Variants in MMP10 observed in about 807,000 individuals in gnomAD.
The protein encoded by MMP10 is stromelysin-2.
MMP10 carries 50 observed loss-of-function variants against 49.1 expected under a neutral mutation model. That is an observed-to-expected ratio of 1.02 (90% CI 0.81 to 1.29). MMP10 has a LOEUF of 1.29. Among genes scored for constraint, MMP10 ranks in the 50% most tolerant of loss-of-function variants. The pLI is 0.00. For missense variants in MMP10, 613 were observed against 563.8 expected, an observed-to-expected ratio of 1.09 and a Z score of -0.88; for synonymous variants, 229 against 201.6, an observed-to-expected ratio of 1.14 and a Z score of -1.15.
In MMP10 at chr11:102,779,208, A is replaced by T; in HGVS notation, c.496+5T>A. 3 of 1,612,280 alleles carry T rather than the reference A, an allele frequency of 1.9e-6. No individual in the cohort carries two copies. Among genetic ancestry groups the T allele is most frequent in the Non-Finnish European group, 2.5e-6 (3 of 1,179,882 alleles). ...ACCAGATAAATGGATGCTTTATTTG[A>T]TTACCTTTAACTGCAAAAGAGATCA... On this transcript the variant is annotated splice_donor_5th_base_variant and intron_variant, in intron 3 of 9. Coordinates refer to ENST00000279441, the MANE Select transcript of MMP10 (RefSeq NM_002425.3).
In MMP10 at chr11:102,780,511, C is replaced by T; in HGVS notation, c.81G>A (p.Glu27=). The T allele has an allele frequency of 6.2e-7, 1 of 1,613,922 alleles. No homozygotes were observed. Among genetic ancestry groups the T allele is most frequent in the South Asian group, 1.1e-5 (1 of 91,048 alleles). ...AYPLSGAAKE[E]DSNKDLAQQY... is the part of the protein sequence containing the mutation. ...CCTGGGCAAGATCCTTGTTGGAGTC[C>T]TCCTCTTTTGCTGCCCCACTCAGAG... Residue 27 remains glutamate (E), a synonymous_variant, in exon 1 of 10, where the codon GAG becomes GAA. Coordinates refer to ENST00000279441, the MANE Select transcript of MMP10 (RefSeq NM_002425.3).
chr11:102,773,080 G>A (rs1473771412), intron 7 of MMP10, 74 bp from the exon 8 acceptor site: 6 of 1,405,002 alleles, frequency 4.3e-6, no homozygotes, highest in East Asian at 2.4e-5. Flanking sequence ...GCATTGTTGT[G>A]GTAAAGAGGA....
chr11:102,776,808 C>T (rs754265720), intron 4 of MMP10, 32 bp from the exon 5 acceptor site: 3 of 1,612,856 alleles, frequency 1.9e-6, no homozygotes, highest in African/African-American at 1.3e-5. Context: ...TCAGAATTCA[C>T]CAGCTCTTTC....
At position 102,779,237 on chromosome 11, in the gene MMP10, T is replaced by C. The variant is rs1565455828; in HGVS notation, c.472A>G (p.Ile158Val). The C allele has an allele frequency of 6.2e-7, 1 of 1,613,612 alleles. No individual in the cohort carries two copies. The highest frequency in any genetic ancestry group is 2.2e-5 in the East Asian group (1 of 44,882). ...FSRLYEGEADIMISFAVKEHG... is the reference protein window; with the variant it reads ...FSRLYEGEADVMISFAVKEHG... ...CCTTTAACTGCAAAAGAGATCATTA[T>C]ATCAGCCTCTCCTTCATACAGCCTG... is the stretch of plus-strand genomic sequence containing the variant. Residue 158 changes from isoleucine to valine, a missense_variant, in exon 3 of 10, where the codon ATA becomes GTA. Ile to Val is a conservative substitution (Grantham distance 29). Transcript: ENST00000279441.
chr11:102,774,230 G>T (rs987316599), intron 7 of MMP10, among the ~76,000 whole-genome samples: 1 of 152,096 alleles, frequency 6.6e-6, no homozygotes, highest in Non-Finnish European at 1.5e-5. Context: ...TTATTTATAG[G>T]TATAAATGCT....
In MMP10 at chr11:102,776,022, T is replaced by C. The variant is rs145437706; in HGVS notation, c.932+258A>G. Among the ~76,000 whole-genome samples the C allele has an allele frequency of 5.3e-3, 810 of 152,202 alleles. 8 individuals are homozygous for C. Among genetic ancestry groups the C allele is most frequent in the African/African-American group, 0.018 (755 of 41,532 alleles). ...AGCAAGAACTAGATCTGAATGATTT[T>C]AAAATGTAGAGGAAATTTTATATTT... is the stretch of plus-strand genomic sequence containing the variant. On this transcript the variant is annotated intron_variant, in intron 6 of 9. Coordinates refer to ENST00000279441, the MANE Select transcript of MMP10 (RefSeq NM_002425.3).
intron 9 of MMP10, among the ~76,000 whole-genome samples, chr11:102,771,777 G>A (rs12804929): frequency 0.11 from 15,963 of 151,026 alleles, 1,066 homozygotes; most frequent in Middle Eastern, 0.23. Context: ...TTTTATGTGC[G>A]GATATGAAAC....
chr11:102,773,804 G>A (rs1861997115), intron 7 of MMP10, among the ~76,000 whole-genome samples: 1 of 152,176 alleles, frequency 6.6e-6, no homozygotes, highest in East Asian at 1.9e-4. Flanking sequence ...GTGCTCCCAT[G>A]GCACCCTTCC....
Position 102,772,705 on chromosome 11 carries a change from C to T in MMP10, c.1226+142G>A, listed in dbSNP as rs762194911. On this transcript the variant is annotated intron_variant, in intron 8 of 9. Transcript: ENST00000279441. This position sits in a 1 kb window ranked among gnomAD's most constrained non-coding sequence, Gnocchi z 4.4. ...AGGCCTTTGTATCCGGAAGGTAGAA[C>T]AATAAGCTGTCTTCCTCATAATCAT... 5 of 843,304 alleles carry T rather than the reference C, an allele frequency of 5.9e-6. No individual in the cohort carries two copies. Among genetic ancestry groups the T allele is most frequent in the Non-Finnish European group, 9.0e-6 (5 of 552,510 alleles). 52.2% of individuals were successfully genotyped at this position (843,304 alleles called of 1,614,324 possible). A position where few individuals can be genotyped will look rare whatever the true frequency, so the allele number is the denominator to read the frequency against.
Position 102,771,992 on chromosome 11 carries a change from T to C in MMP10, c.1330+20A>G. On this transcript the variant is annotated intron_variant, in intron 9 of 9. Transcript: ENST00000279441. ...ATGCCTGGAGATTCCTGCATGACAA[T>C]GAAATAAGGGTCTTCTTACCAAATG... 1 of 1,465,688 alleles carries C rather than the reference T, an allele frequency of 6.8e-7. No individual in the cohort carries two copies. The highest frequency in any genetic ancestry group is 2.3e-5 in the East Asian group (1 of 43,908). The allele number at this position is 1,465,688 out of a possible 1,614,324, so 90.8% of individuals were successfully genotyped here.
Position 102,778,697 on chromosome 11 carries a change from G to T in MMP10, c.549C>A (p.Ala183=). The change falls in exon 4 of 10, where the codon GCC becomes GCA. Residue 183 remains alanine, a synonymous_variant. Coordinates refer to ENST00000279441, the MANE Select transcript of MMP10 (RefSeq NM_002425.3). ...CATAAAGCCCAGGTCCAGGTGGGTA[G>T]GCATGAGCCAAACTGTGTCCTGGGC... is the stretch of plus-strand genomic sequence containing the variant. ...FDGPGHSLAH[A]YPPGPGLYGD... is the part of the protein sequence containing the mutation. 1.2e-6 allele frequency: 2 copies of T among 1,614,002 alleles called. No individual in the cohort carries two copies. The highest frequency in any genetic ancestry group is 1.7e-6 in the Non-Finnish European group (2 of 1,179,970).
In MMP10 at chr11:102,780,529, A is replaced by C; in HGVS notation, c.63T>G (p.Ser21Arg). Residue 21 changes from serine to arginine, a missense_variant, in exon 1 of 10, where the codon AGT (serine) becomes AGG (arginine). Physicochemically the swap from Ser to Arg is moderately radical, Grantham distance 110. Coordinates refer to ENST00000279441, the MANE Select transcript of MMP10 (RefSeq NM_002425.3). ...CLPVCSAYPL[S>R]GAAKEEDSNK... ...TGGAGTCCTCCTCTTTTGCTGCCCCACTCAGAGGATAGGCAGAGCAGACTG... is the reference window on the plus strand; with the variant it reads ...TGGAGTCCTCCTCTTTTGCTGCCCCCCTCAGAGGATAGGCAGAGCAGACTG... 1 of 1,613,918 alleles carries C rather than the reference A, an allele frequency of 6.2e-7. No homozygotes were observed. The highest frequency in any genetic ancestry group is 8.5e-7 in the Non-Finnish European group (1 of 1,179,944).
At chr11:102,777,366 G>C (rs17860966) in intron 4 of MMP10, among the ~76,000 whole-genome samples, 7 of 151,458 alleles carry the variant, frequency 4.6e-5, no homozygotes, top group Admixed American at 1.3e-4. Flanking sequence ...AGCGATTCTC[G>C]TGCCTCAGCC....
intron 7 of MMP10, among the ~76,000 whole-genome samples, chr11:102,773,518 A>C (rs533659257): frequency 4.6e-5 from 7 of 152,276 alleles, no homozygotes; most frequent in African/African-American, 1.7e-4. Flanking sequence ...CCCAGACCCC[A>C]AGCCTGAATT....
chr11:102,773,986 A>G (rs1861998619), intron 7 of MMP10, among the ~76,000 whole-genome samples: 2 of 152,268 alleles, frequency 1.3e-5, no homozygotes, highest in Admixed American at 1.3e-4. Context: ...AATACGTTAG[A>G]GTTATGTAAT....
chr11:102,775,671 C>T (rs774898226), intron 6 of MMP10, among the ~76,000 whole-genome samples: 8 of 152,080 alleles, frequency 5.3e-5, no homozygotes, highest in Non-Finnish European at 1.0e-4. Context: ...AGCTGGAGGA[C>T]GGTAGGCCAA....
Position 102,770,717 on chromosome 11 carries a change from T to A in MMP10, c.*76A>T, listed in dbSNP as rs981541891. ...AGAACATGCAGGAAAAATTAACCAT[T>A]TTGGCTCATAATACATTAGATGAAT... On this transcript the variant is annotated 3_prime_UTR_variant, in exon 10 of 10. Transcript: ENST00000279441. The A allele has an allele frequency of 1.1e-5, 10 of 908,322 alleles. No homozygotes were observed. The highest frequency in any genetic ancestry group is 1.7e-5 in the Non-Finnish European group (10 of 593,106). The allele number at this position is 908,322 out of a possible 1,614,324, so 56.3% of individuals were successfully genotyped here.
chr11:102,774,711 A>T (rs903050543), intron 7 of MMP10, among the ~76,000 whole-genome samples: 7 of 152,200 alleles, frequency 4.6e-5, no homozygotes, highest in Non-Finnish European at 8.8e-5. Context: ...AGTCTGATAA[A>T]GAAGCCTCTA....
rs200542072 is a variant in MMP10 at position 102,776,463 on chromosome 11, A to G, written c.788-39T>C. The G allele has an allele frequency of 5.7e-5, 91 of 1,602,312 alleles. No individual in the cohort carries two copies. The Middle Eastern group carries it at 1.0e-3, about 18-fold the overall frequency. On this transcript the variant is annotated intron_variant, in intron 5 of 9. Coordinates refer to ENST00000279441, the MANE Select transcript of MMP10 (RefSeq NM_002425.3). Reference sequence around the variant, plus strand: ...ATTTGGGGATGCAAACATTAAAAAAAAATGTGATGCATCTGTCAATTTGTG... The same window carrying G: ...ATTTGGGGATGCAAACATTAAAAAAGAATGTGATGCATCTGTCAATTTGTG...
Sources: gnomAD v4.1 joint callset for allele counts (sites outside exome capture counted in the v4.1 genomes callset) on GRCh38, gnomAD v4.1.1 for gene constraint, Gnocchi (gnomAD v3.1) non-coding constraint, MANE v1.5 for transcripts, NCBI Gene and HGNC (gene_info 2026-07-23, HGNC 2026-07-21) for gene names.